The following ALCAM variants were observed in gnomAD, a reference collection of about 807,000 sequenced individuals.
The protein encoded by ALCAM is CD166 antigen.
In ALCAM, 30 loss-of-function variants were observed where a neutral mutation model predicts 70.9. The ratio of observed to expected loss-of-function variants is 0.42; its 90% CI spans 0.32 to 0.57. ALCAM has a LOEUF of 0.57. Among genes scored for constraint, ALCAM ranks in the 20% least tolerant of loss-of-function variants. The pLI, the probability that ALCAM is intolerant of heterozygous loss-of-function variation, is 0.11. For synonymous variants in ALCAM, 249 were observed against 242.5 expected, an observed-to-expected ratio of 1.03 and a Z score of -0.25; for missense variants, 591 against 695.1, an observed-to-expected ratio of 0.85 and a Z score of 1.68.
chr3:105,561,991 G>A (rs1940639461), intron 14 of ALCAM, among the ~76,000 whole-genome samples: 1 of 152,180 alleles, frequency 6.6e-6, no homozygotes, highest in Non-Finnish European at 1.5e-5. Context: ...TTAATTGGTT[G>A]AACTTAACCT....
At chr3:105,370,843 T>C (rs777252136) in intron 1 of ALCAM, among the ~76,000 whole-genome samples, 10 of 152,070 alleles carry the variant, frequency 6.6e-5, no homozygotes, top group South Asian at 2.1e-4. Flanking sequence ...AACTCATCTC[T>C]CCTGCAAACC....
intron 14 of ALCAM, among the ~76,000 whole-genome samples, chr3:105,556,656 A>G (rs1940524193): frequency 6.6e-6 from 1 of 151,968 alleles, no homozygotes; most frequent in African/African-American, 2.4e-5. Flanking sequence ...TAAAATTAAC[A>G]ATGTTAATTA....
intron 1 of ALCAM, among the ~76,000 whole-genome samples, chr3:105,368,892 G>A (rs576617661): frequency 2.0e-5 from 3 of 152,248 alleles, no homozygotes; most frequent in Admixed American, 2.0e-4. Context: ...GACAAATCTC[G>A]GGCTCTGGGG....
rs1207870093 is a variant in ALCAM at position 105,524,437 on chromosome 3, A to G, written c.323A>G (p.Glu108Gly). The G allele has an allele frequency of 6.2e-7, 1 of 1,614,028 alleles. No homozygotes were observed. Among genetic ancestry groups the G allele is most frequent in the African/African-American group, 1.3e-5 (1 of 74,924 alleles). The change falls in exon 3 of 16, where the codon GAA (glutamate) becomes GGA (glycine). Residue 108 changes from glutamate to glycine, a missense_variant. Transcript: ENST00000306107. Reference protein sequence around the residue: ...LSISNARISDEKRFVCMLVTE... With the variant: ...LSISNARISDGKRFVCMLVTE... ...ATCAGTAATGCAAGGATCAGTGATG[A>G]AAAGAGATTTGTGTGCATGCTAGTA...
At chr3:105,398,614 G>A (rs1936011296) in intron 1 of ALCAM, among the ~76,000 whole-genome samples, 6 of 152,070 alleles carry the variant, frequency 3.9e-5, no homozygotes, top group Admixed American at 3.9e-4. Flanking sequence ...ATAGCAGCAT[G>A]CCAGCTGGAA....
chr3:105,512,214 A>T (rs1939258628), intron 1 of ALCAM, among the ~76,000 whole-genome samples: 1 of 151,984 alleles, frequency 6.6e-6, no homozygotes, highest in Non-Finnish European at 1.5e-5. Context: ...ACATTAAACT[A>T]TTTGCAGAAA....
At chr3:105,415,435 A>T (rs1936484161) in intron 1 of ALCAM, among the ~76,000 whole-genome samples, 1 of 152,146 alleles carries the variant, frequency 6.6e-6, no homozygotes, top group African/African-American at 2.4e-5. Flanking sequence ...AATCCCCAGC[A>T]TTAGCTTTTG....
At chr3:105,487,389 A>G (rs1938460467) in intron 1 of ALCAM, among the ~76,000 whole-genome samples, 1 of 152,164 alleles carries the variant, frequency 6.6e-6, no homozygotes, top group African/African-American at 2.4e-5. Context: ...GATGGAGTGT[A>G]CATCTAACAT....
chr3:105,499,976 T>G (rs1938873642), intron 1 of ALCAM, among the ~76,000 whole-genome samples: 1 of 152,198 alleles, frequency 6.6e-6, no homozygotes, highest in Non-Finnish European at 1.5e-5. Context: ...CTGCTATCTT[T>G]TCTTATTTCA....
chr3:105,407,244 A>G (rs190983812), intron 1 of ALCAM, among the ~76,000 whole-genome samples: 17 of 137,398 alleles, frequency 1.2e-4, no homozygotes, highest in African/African-American at 4.3e-4. Flanking sequence ...AGAGAAGGAC[A>G]TAACAACAAC....
At chr3:105,410,223 G>A (rs887544267) in intron 1 of ALCAM, among the ~76,000 whole-genome samples, 3 of 151,982 alleles carry the variant, frequency 2.0e-5, no homozygotes, top group Non-Finnish European at 2.9e-5. Context: ...TTTGTAGGTT[G>A]TCTCCAAGAT....
chr3:105,527,964 C>T (rs1027005297), intron 3 of ALCAM, among the ~76,000 whole-genome samples: 3 of 152,128 alleles, frequency 2.0e-5, no homozygotes, highest in Admixed American at 1.3e-4. Flanking sequence ...ATGAGATCTA[C>T]ACCAGATATT....
chr3:105,417,546 C>T (rs950010557), intron 1 of ALCAM, among the ~76,000 whole-genome samples: 18 of 151,812 alleles, frequency 1.2e-4, no homozygotes, highest in Middle Eastern at 3.4e-3. Flanking sequence ...AATCCCAGCG[C>T]GGCCACTTGC....
intron 1 of ALCAM, among the ~76,000 whole-genome samples, chr3:105,396,397 A>G (rs1246480588): frequency 3.3e-5 from 5 of 151,926 alleles, no homozygotes; most frequent in African/African-American, 9.7e-5. Context: ...GAAGGATCAG[A>G]CTCAAAGGGC....
chr3:105,468,567 A>T (rs749975000), intron 1 of ALCAM, among the ~76,000 whole-genome samples: 1 of 151,276 alleles, frequency 6.6e-6, no homozygotes, highest in Non-Finnish European at 1.5e-5. Flanking sequence ...CATGAAGAAG[A>T]TGGTGGTTTC....
At chr3:105,568,202 A>T (rs949535835) in intron 14 of ALCAM, among the ~76,000 whole-genome samples, 2 of 151,724 alleles carry the variant, frequency 1.3e-5, no homozygotes, top group Non-Finnish European at 2.9e-5. Flanking sequence ...AGCTGGGATT[A>T]CAGGCACACG....
chr3:105,495,403 A>G (rs1480074658), intron 1 of ALCAM, among the ~76,000 whole-genome samples: 1 of 151,574 alleles, frequency 6.6e-6, no homozygotes, highest in Admixed American at 6.6e-5. Context: ...CACTAGAAGA[A>G]TGAACAGGGT....
At chr3:105,382,472 G>C (rs1269332876) in intron 1 of ALCAM, among the ~76,000 whole-genome samples, 1 of 152,012 alleles carries the variant, frequency 6.6e-6, no homozygotes, top group Non-Finnish European at 1.5e-5. Context: ...GGATGGCTGG[G>C]TCAAATGGTA....
At position 105,509,392 on chromosome 3, in the gene ALCAM, A is replaced by T. The variant is rs187971090; in HGVS notation, c.74-10675A>T. ...AATACTTGGTATCTCTTGTTTTTTC[A>T]ATAAGAACCATCTTAACAGGCATGA... On this transcript the variant is annotated intron_variant, in intron 1 of 15. Transcript: ENST00000306107. 5.9e-5 allele frequency among the ~76,000 whole-genome samples: 9 copies of T among 151,976 alleles called. 1 individual carries two copies. The East Asian group carries it at 1.7e-3, about 29-fold the overall frequency.
Sources: allele counts gnomAD v4.1 joint callset (sites outside exome capture counted in the v4.1 genomes callset), GRCh38; gene constraint gnomAD v4.1.1; transcripts MANE v1.5; gene names NCBI Gene and HGNC (gene_info 2026-07-23, HGNC 2026-07-21).